The following PXDNL variants were observed in gnomAD, a reference collection of about 807,000 sequenced individuals.
The protein encoded by PXDNL is peroxidasin like, also known as probable oxidoreductase PXDNL.
In PXDNL, 145 loss-of-function variants were observed where a neutral mutation model predicts 150.8. The observed-to-expected ratio is 0.96, with a 90% CI of 0.84 to 1.10. The LOEUF is 1.10. PXDNL is among the 50% of genes least tolerant of loss of function. The probability of loss-of-function intolerance (pLI) is 0.00; values close to 1 mark genes in which losing one functional copy is unlikely to be tolerated. For synonymous variants in PXDNL, 757 were observed against 725.7 expected (o/e 1.04, Z -0.69); for missense variants, 2,087 against 1,873.9 (o/e 1.11, Z -2.10).
At chr8:51,499,172 C>A (rs1187691139) in intron 5 of PXDNL, among the ~76,000 whole-genome samples, 3 of 152,186 alleles carry the variant, frequency 2.0e-5, no homozygotes, top group Non-Finnish European at 1.5e-5. Context: ...CTCTGTCACC[C>A]AGGCTGGAGT....
At chr8:51,698,768 T>C (rs1262462461) in intron 1 of PXDNL, among the ~76,000 whole-genome samples, 1 of 152,248 alleles carries the variant, frequency 6.6e-6, no homozygotes, top group Admixed American at 6.5e-5. Flanking sequence ...GAAATGTATT[T>C]CTGAAATTAT....
At chr8:51,763,662 C>G (rs1292384920) in intron 1 of PXDNL, among the ~76,000 whole-genome samples, 1 of 151,764 alleles carries the variant, frequency 6.6e-6, no homozygotes, top group East Asian at 1.9e-4. Flanking sequence ...ACTTCCATTC[C>G]TGCTCTGAAA....
At chr8:51,749,698 TTTTA>T (rs919554862) in intron 1 of PXDNL, among the ~76,000 whole-genome samples, 8 of 152,046 alleles carry the variant, frequency 5.3e-5, no homozygotes, top group Admixed American at 3.9e-4. Flanking sequence ...ACTAAACTTA[TTTTA>T]TTTATTTATT....
At chr8:51,767,725 A>G (rs1182363808) in intron 1 of PXDNL, among the ~76,000 whole-genome samples, 1 of 152,054 alleles carries the variant, frequency 6.6e-6, no homozygotes, top group East Asian at 1.9e-4. Context: ...ATGTTTTAAA[A>G]GCCTGCTACA....
At chr8:51,696,849 A>ACACATCCACACGCACGTCCACGCATC (rs1554568139) in intron 1 of PXDNL, among the ~76,000 whole-genome samples, 127 of 876 alleles carry the variant, frequency 0.14, 4 homozygotes, top group South Asian at 0.23. Context: ...AGGTCCTGAC[A>ACACATCCACACGCACGTCCACGCATC]CACACACAGG....
In PXDNL at chr8:51,409,390, G is replaced by C; in HGVS notation, c.2234C>G (p.Ala745Gly). ...CAGCAGGCGCGCGAAGGCGGTCAGC[G>C]CCGCGCCCCACGTGGGCTGCTGCAG... ...NNLQQPTWGA[A>G]LTAFARLLQP... Residue 745 changes from alanine to glycine, a missense_variant, in exon 17 of 23, where the codon GCG becomes GGG. Transcript: ENST00000356297. 6.2e-7 allele frequency: 1 copy of C among 1,605,366 alleles called. No homozygotes were observed. Among genetic ancestry groups the C allele is most frequent in the South Asian group, 1.1e-5 (1 of 90,542 alleles).
At position 51,416,860 on chromosome 8, in the gene PXDNL, C is replaced by T. The variant is rs186915459; in HGVS notation, c.1796-3602G>A. 7.9e-5 allele frequency among the ~76,000 whole-genome samples: 12 copies of T among 152,248 alleles called. 1 individual carries two copies. The East Asian group carries it at 9.6e-4, about 12-fold the overall frequency. On this transcript the variant is annotated intron_variant, in intron 14 of 22. Coordinates refer to ENST00000356297, the MANE Select transcript of PXDNL (RefSeq NM_144651.5). ...CAGATTCTTAAAAGCACATTAAATACGTGATATAGTCAAACAAAAACATTC... is the reference window on the plus strand; with the variant it reads ...CAGATTCTTAAAAGCACATTAAATATGTGATATAGTCAAACAAAAACATTC...
In PXDNL at chr8:51,345,938, C is replaced by T. The variant is rs1806142061; in HGVS notation, c.3911G>A (p.Ser1304Asn). The T allele has an allele frequency of 1.2e-6, 2 of 1,607,326 alleles. No individual in the cohort carries two copies. The highest frequency in any genetic ancestry group is 2.7e-5 in the African/African-American group (2 of 74,754). Residue 1304 changes from serine (S) to asparagine (N), a missense_variant, in exon 20 of 23, where the codon AGT becomes AAT. Transcript: ENST00000356297. The part of the protein sequence containing the change: ...VWQDCCADCR[S>N]RGQFRAVTQE... Reference sequence around the variant, plus strand: ...CGTCACTGCTCTGAACTGTCCTCTACTCCTACAGTCTGTGGGGAAAGAAGT... The same window carrying T: ...CGTCACTGCTCTGAACTGTCCTCTATTCCTACAGTCTGTGGGGAAAGAAGT...
intron 21 of PXDNL, among the ~76,000 whole-genome samples, chr8:51,329,721 A>C (rs551908002): frequency 1.3e-5 from 2 of 152,368 alleles, no homozygotes; most frequent in Middle Eastern, 6.8e-3. Flanking sequence ...AATGTTAGAA[A>C]TCAAAACTAT....
chr8:51,655,260 A>T (rs1232745016), intron 1 of PXDNL, among the ~76,000 whole-genome samples: 2 of 152,254 alleles, frequency 1.3e-5, no homozygotes, highest in African/African-American at 4.8e-5. Context: ...CAGAACAATT[A>T]GTTTGAGAGA....
chr8:51,497,286 G>T (rs982434806), intron 5 of PXDNL, among the ~76,000 whole-genome samples: 4 of 152,010 alleles, frequency 2.6e-5, no homozygotes, highest in African/African-American at 9.7e-5. Flanking sequence ...AAATTCACTC[G>T]AGATGGATTA....
Position 51,449,034 on chromosome 8 carries a change from T to C in PXDNL, c.1334A>G (p.Asn445Ser). Residue 445 changes from asparagine to serine, a missense_variant, in exon 11 of 23, where the codon AAC becomes AGC. Transcript: ENST00000356297. ...AVEWLCEADG[N>S]PPPVIVWTKT... ...TGTCCAGACAATAACAGGAGGTGGG[T>C]TGCCGTCAGCTTCACAGAGCCACTC... 1 of 1,551,206 alleles carries C rather than the reference T, an allele frequency of 6.4e-7. No homozygotes were observed. The highest frequency in any genetic ancestry group is 8.7e-7 in the Non-Finnish European group (1 of 1,146,192).
chr8:51,490,654 A>G (rs1246222816), intron 5 of PXDNL, among the ~76,000 whole-genome samples: 2 of 149,840 alleles, frequency 1.3e-5, no homozygotes, highest in African/African-American at 4.9e-5. Flanking sequence ...ATACATATAT[A>G]TACACATATA....
intron 1 of PXDNL, among the ~76,000 whole-genome samples, chr8:51,756,129 C>T (rs1033577329): frequency 1.3e-5 from 2 of 152,122 alleles, no homozygotes; most frequent in East Asian, 1.9e-4. Context: ...TGCAGTGGCT[C>T]ACCCCTGTCA....
At chr8:51,632,378 A>C (rs533332826) in intron 2 of PXDNL, among the ~76,000 whole-genome samples, 2 of 152,288 alleles carry the variant, frequency 1.3e-5, no homozygotes, top group African/African-American at 4.8e-5. Context: ...AGGCAGGCAG[A>C]TCACTTGAGC....
At chr8:51,386,254 G>A (rs778819772) in intron 17 of PXDNL, among the ~76,000 whole-genome samples, 78 of 151,904 alleles carry the variant, frequency 5.1e-4, no homozygotes, top group Non-Finnish European at 1.0e-3. Context: ...CACCATGCCC[G>A]GCTAATTTTT....
intron 1 of PXDNL, among the ~76,000 whole-genome samples, chr8:51,778,299 T>A (rs912082984): frequency 1.3e-5 from 2 of 151,500 alleles, no homozygotes; most frequent in Admixed American, 1.3e-4. Context: ...ATCAATAAAT[T>A]AATAAATAAA....
Position 51,333,027 on chromosome 8 carries a change from A to G in PXDNL, c.4146+6597T>C, listed in dbSNP as rs138682172. On this transcript the variant is annotated intron_variant, in intron 21 of 22. Coordinates refer to ENST00000356297, the MANE Select transcript of PXDNL (RefSeq NM_144651.5). ...ATTGCAAAAAGATCTTCACCTAGGC[A>G]CATTGTCATCAGGTTATCCAAAGTT... Among the ~76,000 whole-genome samples the G allele has an allele frequency of 2.5e-3, 386 of 152,326 alleles. 6 individuals carry two copies. Among genetic ancestry groups the G allele is most frequent in the African/African-American group, 8.7e-3 (360 of 41,574 alleles).
intron 22 of PXDNL, 74 bp from the exon 23 acceptor site, chr8:51,320,096 T>C: frequency 8.4e-7 from 1 of 1,185,174 alleles, no homozygotes; most frequent in Non-Finnish European, 1.1e-6. Flanking sequence ...TAAATGTTTC[T>C]TATAATACAT....
Sources: gnomAD v4.1 joint callset for allele counts (sites outside exome capture counted in the v4.1 genomes callset) on GRCh38, gnomAD v4.1.1 for gene constraint, MANE v1.5 for transcripts, NCBI Gene and HGNC (gene_info 2026-07-23, HGNC 2026-07-21) for gene names.